The following SGCZ variants were observed in gnomAD, a reference collection of about 807,000 sequenced individuals.
SGCZ encodes sarcoglycan zeta, also known as zeta-sarcoglycan.
SGCZ carries 40 observed loss-of-function variants against 41.3 expected under a neutral mutation model. The ratio of observed to expected loss-of-function variants is 0.97; its 90% CI spans 0.75 to 1.26. The LOEUF (loss-of-function observed/expected upper bound fraction) is 1.26. Ranked by LOEUF, SGCZ falls within the 50% of genes most tolerant of loss-of-function variation. SGCZ has a pLI of 0.00. For synonymous variants in SGCZ, 206 were observed against 137.5 expected, an observed-to-expected ratio of 1.50 and a Z score of -3.49; for missense variants, 552 against 369.8, an observed-to-expected ratio of 1.49 and a Z score of -4.04.
intron 1 of SGCZ, among the ~76,000 whole-genome samples, chr8:14,768,341 T>C (rs2255685): frequency 0.1 from 15,507 of 152,270 alleles, 863 homozygotes; most frequent in Middle Eastern, 0.16. Context: ...TACTTCTTTT[T>C]GTACAACTGA....
chr8:14,660,523 A>T (rs1256917185), intron 1 of SGCZ, among the ~76,000 whole-genome samples: 5 of 145,000 alleles, frequency 3.4e-5, no homozygotes, highest in Non-Finnish European at 7.4e-5. Context: ...GTGAGCCAAC[A>T]TTCAGCCACT....
At chr8:15,026,493 A>G (rs1335409750) in intron 1 of SGCZ, among the ~76,000 whole-genome samples, 1 of 152,318 alleles carries the variant, frequency 6.6e-6, no homozygotes, top group Admixed American at 6.5e-5. Context: ...TATGCATCAA[A>G]ATAAGGCATA....
chr8:14,295,811 T>A (rs1800990427), intron 3 of SGCZ, among the ~76,000 whole-genome samples: 1 of 152,070 alleles, frequency 6.6e-6, no homozygotes, highest in Admixed American at 6.6e-5. Flanking sequence ...GTTGCTCAGG[T>A]GGCTGGAATT....
At chr8:14,880,861 G>T (rs181971387) in intron 1 of SGCZ, among the ~76,000 whole-genome samples, 3 of 151,992 alleles carry the variant, frequency 2.0e-5, no homozygotes, top group Non-Finnish European at 2.9e-5. Flanking sequence ...TGTAAATGAC[G>T]AGTTAATGGG....
At chr8:14,983,211 G>A (rs1311896716) in intron 1 of SGCZ, among the ~76,000 whole-genome samples, 1 of 143,014 alleles carries the variant, frequency 7.0e-6, no homozygotes, top group African/African-American at 2.6e-5. Flanking sequence ...TTTGAGACAG[G>A]TTCTCACTCT....
chr8:14,645,751 C>G (rs539603753), intron 1 of SGCZ, among the ~76,000 whole-genome samples: 1 of 151,352 alleles, frequency 6.6e-6, no homozygotes, highest in Non-Finnish European at 1.5e-5. Flanking sequence ...TAAATTTTTA[C>G]GTAGTAAGTT....
At chr8:14,586,258 G>A (rs1468638890) in intron 1 of SGCZ, among the ~76,000 whole-genome samples, 1 of 152,032 alleles carries the variant, frequency 6.6e-6, no homozygotes, top group Non-Finnish European at 1.5e-5. Context: ...CTGTCACCCA[G>A]GCTGGAGTGT....
chr8:14,737,311 G>C (rs917237531), intron 1 of SGCZ, among the ~76,000 whole-genome samples: 2 of 151,806 alleles, frequency 1.3e-5, no homozygotes, highest in Non-Finnish European at 2.9e-5. Context: ...TAGAAGTTTA[G>C]AAGTTCTAAT....
intron 1 of SGCZ, among the ~76,000 whole-genome samples, chr8:15,166,983 G>C (rs1159786552): frequency 1.3e-5 from 2 of 151,858 alleles, no homozygotes; most frequent in Non-Finnish European, 2.9e-5. Flanking sequence ...GAATCTTTTT[G>C]ACTTTTGTTT....
In SGCZ at chr8:14,088,488, A is replaced by G. The variant is rs1801593720; in HGVS notation, c.*1955T>C. 6.6e-6 allele frequency among the ~76,000 whole-genome samples: 1 copy of G among 151,832 alleles called. No individual in the cohort carries two copies. Among genetic ancestry groups the G allele is most frequent in the African/African-American group, 2.4e-5 (1 of 41,398 alleles). On this transcript the variant is annotated 3_prime_UTR_variant, in exon 8 of 8. Coordinates refer to ENST00000382080, the MANE Select transcript of SGCZ (RefSeq NM_139167.4). ...AGTGATTAGCACACATAATTTCTCA[A>G]TATTTCTTGTATTATACTTTATTTT... is the stretch of plus-strand genomic sequence containing the variant.
chr8:14,775,050 G>C (rs530735753), intron 1 of SGCZ, among the ~76,000 whole-genome samples: 13 of 152,080 alleles, frequency 8.5e-5, no homozygotes, highest in Non-Finnish European at 1.8e-4. Flanking sequence ...CACAATTATA[G>C]TATACTAAAT....
At chr8:14,102,341 A>G (rs1479787221) in intron 7 of SGCZ, 35 bp downstream of exon 7, 13 of 1,388,724 alleles carry the variant, frequency 9.4e-6, no homozygotes, top group Non-Finnish European at 1.2e-5. Flanking sequence ...CAAAGTGGGC[A>G]GTATAGGGCG....
At chr8:14,319,486 C>A (rs1278175328) in intron 3 of SGCZ, 1 of 151,954 alleles carries the variant, frequency 6.6e-6, no homozygotes, top group African/African-American at 2.4e-5. Context: ...ATCTGTCTAG[C>A]AAATTTTCTG....
chr8:15,051,319 G>T (rs144060379), intron 1 of SGCZ, among the ~76,000 whole-genome samples: 7 of 152,250 alleles, frequency 4.6e-5, no homozygotes, highest in African/African-American at 7.2e-5. Flanking sequence ...TCCACATAAG[G>T]TCTTGAAATT....
chr8:14,980,894 C>T (rs2130879632), intron 1 of SGCZ, among the ~76,000 whole-genome samples: 1 of 151,514 alleles, frequency 6.6e-6, no homozygotes, highest in South Asian at 2.1e-4. Context: ...TTGTGCTATC[C>T]ATTCCCATCT....
At chr8:14,967,880 G>A (rs917534823) in intron 1 of SGCZ, among the ~76,000 whole-genome samples, 24 of 152,070 alleles carry the variant, frequency 1.6e-4, no homozygotes, top group Non-Finnish European at 1.3e-4. Context: ...GAGCATCCCC[G>A]AGGTGAACAG....
At chr8:14,131,963 G>A (rs1803054942) in intron 5 of SGCZ, among the ~76,000 whole-genome samples, 1 of 152,020 alleles carries the variant, frequency 6.6e-6, no homozygotes, top group Non-Finnish European at 1.5e-5. Context: ...TACACTCTAT[G>A]ATGTTCACAT....
chr8:14,465,684 C>G (rs999697514), intron 2 of SGCZ, among the ~76,000 whole-genome samples: 1 of 151,288 alleles, frequency 6.6e-6, no homozygotes, highest in Non-Finnish European at 1.5e-5. Flanking sequence ...TTGTGGTTGC[C>G]ATGGGGATTA....
chr8:14,929,066 A>C (rs1326728654), intron 1 of SGCZ, among the ~76,000 whole-genome samples: 2 of 152,046 alleles, frequency 1.3e-5, no homozygotes, highest in Non-Finnish European at 1.5e-5. Context: ...ATCTCGGCTC[A>C]CTGCGACCTC....
Sources: allele counts gnomAD v4.1 joint callset (sites outside exome capture counted in the v4.1 genomes callset), GRCh38; gene constraint gnomAD v4.1.1; transcripts MANE v1.5; gene names NCBI Gene and HGNC (gene_info 2026-07-23, HGNC 2026-07-21).